Variants in R3HCC1L observed in about 807,000 individuals in gnomAD.
R3HCC1L encodes coiled-coil domain-containing protein R3HCC1L.
In R3HCC1L, 51 loss-of-function variants were observed where a neutral mutation model predicts 59.9. The ratio of observed to expected loss-of-function variants is 0.85; its 90% confidence interval spans 0.68 to 1.07. R3HCC1L has a LOEUF of 1.07. Ranked by LOEUF, R3HCC1L falls within the 50% of genes least tolerant of loss-of-function variation. The pLI is 0.00. For synonymous variants in R3HCC1L, 322 were observed against 315.2 expected (o/e 1.02, Z -0.23); for missense variants, 965 against 933.0 (o/e 1.03, Z -0.45).
intron 4 of R3HCC1L, among the ~76,000 whole-genome samples, chr10:98,187,773 G>C (rs1444623522): frequency 1.2e-5 from 1 of 86,568 alleles, no homozygotes; most frequent in Admixed American, 1.5e-4. Context: ...GTCTTGTTCT[G>C]TTCTCCAGGA....
chr10:98,142,809 C>A (rs1845285857), intron 1 of R3HCC1L, among the ~76,000 whole-genome samples: 1 of 151,934 alleles, frequency 6.6e-6, no homozygotes, highest in African/African-American at 2.4e-5. Flanking sequence ...GCGACATGTG[C>A]CTGTAGTCCC....
At chr10:98,192,691 T>C (rs1156924367) in intron 4 of R3HCC1L, among the ~76,000 whole-genome samples, 4 of 152,246 alleles carry the variant, frequency 2.6e-5, no homozygotes, top group Admixed American at 6.5e-5. Context: ...CATGGCTTCA[T>C]TGGGGAATTC....
intron 4 of R3HCC1L, among the ~76,000 whole-genome samples, chr10:98,180,961 T>G (rs1451479390): frequency 6.6e-6 from 1 of 152,162 alleles, no homozygotes; most frequent in Non-Finnish European, 1.5e-5. Flanking sequence ...GTGAGTTGGG[T>G]CTCCTGAATA....
At chr10:98,167,384 A>T (rs1490000679) in intron 4 of R3HCC1L, among the ~76,000 whole-genome samples, 1 of 152,176 alleles carries the variant, frequency 6.6e-6, no homozygotes, top group Non-Finnish European at 1.5e-5. Flanking sequence ...CACCAGGCAC[A>T]TTTCACACCT....
At position 98,208,979 on chromosome 10, in the gene R3HCC1L, G is replaced by A. The variant is rs747385013; in HGVS notation, c.865G>A (p.Val289Ile). The part of the protein sequence containing the change: ...QTCVDFEVES[V>I]GGIANSTGFI... The stretch of plus-strand genomic sequence containing the variant: ...TTGCGTAGATTTTGAAGTTGAGAGT[G>A]TAGGTGGTATAGCCAATAGTACAGG... Residue 289 changes from valine to isoleucine, a missense_variant, in exon 5 of 10, where the codon GTA becomes ATA. By Grantham distance (29) the Val-to-Ile change is conservative. Coordinates refer to ENST00000298999, the MANE Select transcript of R3HCC1L (RefSeq NM_001351015.2). 5.0e-6 allele frequency: 8 copies of A among 1,614,048 alleles called. No individual in the cohort carries two copies. The highest frequency in any genetic ancestry group is 4.4e-5 in the South Asian group (4 of 91,066).
intron 1 of R3HCC1L, among the ~76,000 whole-genome samples, chr10:98,149,309 C>G (rs951992126): frequency 2.0e-5 from 3 of 152,112 alleles, no homozygotes; most frequent in Admixed American, 2.0e-4. Flanking sequence ...TTTCAAAAAA[C>G]CAACTTTTTA....
At chr10:98,228,466 T>C (rs1427534246) in intron 5 of R3HCC1L, among the ~76,000 whole-genome samples, 2 of 152,174 alleles carry the variant, frequency 1.3e-5, no homozygotes, top group Non-Finnish European at 2.9e-5. Context: ...CAGTTCTTTG[T>C]GGATAAAGAT....
intron 4 of R3HCC1L, among the ~76,000 whole-genome samples, chr10:98,195,583 T>C (rs553826835): frequency 7.4e-6 from 1 of 135,954 alleles, no homozygotes; most frequent in South Asian, 2.4e-4. Flanking sequence ...CCTTTTGTAT[T>C]AAAATACACA....
chr10:98,170,254 C>CT (rs1848390652), intron 4 of R3HCC1L, among the ~76,000 whole-genome samples: 1 of 151,960 alleles, frequency 6.6e-6, no homozygotes, highest in African/African-American at 2.4e-5. Context: ...TACTACCACT[C>CT]TAATAGTCTT....
At chr10:98,173,286 T>C (rs2134392163) in intron 4 of R3HCC1L, among the ~76,000 whole-genome samples, 2 of 152,324 alleles carry the variant, frequency 1.3e-5, no homozygotes, top group East Asian at 3.9e-4. Context: ...AGCCTCTTAG[T>C]GTAGCTCTGT....
At position 98,203,511 on chromosome 10, in the gene R3HCC1L, A is replaced by G. The variant is rs547608299; in HGVS notation, c.-14-4590A>G. Reference sequence around the variant, plus strand: ...TTCTAGAAGAATGAATAGTATGCTCATTAGGCAGTTTCTCTCAAATATCAG... The same window carrying G: ...TTCTAGAAGAATGAATAGTATGCTCGTTAGGCAGTTTCTCTCAAATATCAG... On this transcript the variant is annotated intron_variant, in intron 4 of 9. Transcript: ENST00000298999. Among the ~76,000 whole-genome samples, 20 of 152,358 alleles carry G rather than the reference A, an allele frequency of 1.3e-4. 1 individual carries two copies. The South Asian group carries it at 4.1e-3, about 32-fold the overall frequency.
intron 2 of R3HCC1L, among the ~76,000 whole-genome samples, chr10:98,162,022 T>A (rs993816985): frequency 6.6e-6 from 1 of 152,174 alleles, no homozygotes; most frequent in Non-Finnish European, 1.5e-5. Flanking sequence ...AAGAATATCT[T>A]TCCATTTGTT....
At chr10:98,222,666 A>G (rs1855158453) in intron 5 of R3HCC1L, among the ~76,000 whole-genome samples, 1 of 152,186 alleles carries the variant, frequency 6.6e-6, no homozygotes, top group South Asian at 2.1e-4. Context: ...GTCTCTGTTT[A>G]TATGCTGGAT....
At chr10:98,224,604 TCA>T (rs1855460151) in intron 5 of R3HCC1L, among the ~76,000 whole-genome samples, 1 of 152,238 alleles carries the variant, frequency 6.6e-6, no homozygotes, top group African/African-American at 2.4e-5. Flanking sequence ...GAAGGAATAC[TCA>T]CATATCATTT....
chr10:98,163,353 A>T lies in R3HCC1L; in HGVS notation c.-59A>T. Reference sequence around the variant, plus strand: ...TTGCCTTCAGAGACAGTCTATCGGCATGTTGTAGAGTTTTATTACTAAGAA... The same window carrying T: ...TTGCCTTCAGAGACAGTCTATCGGCTTGTTGTAGAGTTTTATTACTAAGAA... On this transcript the variant is annotated 5_prime_UTR_variant, in exon 4 of 10. An upstream start codon of the reference 5' UTR is lost. Coordinates refer to ENST00000298999, the MANE Select transcript of R3HCC1L (RefSeq NM_001351015.2). 7.6e-7 allele frequency: 1 copy of T among 1,310,206 alleles called. No homozygotes were observed. Among genetic ancestry groups the T allele is most frequent in the Non-Finnish European group, 1.0e-6 (1 of 1,000,164 alleles). 81.2% of individuals were successfully genotyped at this position (1,310,206 alleles called of 1,614,324 possible). A position where few individuals can be genotyped will look rare whatever the true frequency, so the allele number is the denominator to read the frequency against.
At chr10:98,230,419 G>A (rs1032135329) in intron 5 of R3HCC1L, among the ~76,000 whole-genome samples, 1 of 152,054 alleles carries the variant, frequency 6.6e-6, no homozygotes, top group Non-Finnish European at 1.5e-5. Context: ...TGTGGGATCG[G>A]TGGTGATATC....
At chr10:98,195,254 A>G (rs568836356) in intron 4 of R3HCC1L, among the ~76,000 whole-genome samples, 1 of 152,326 alleles carries the variant, frequency 6.6e-6, no homozygotes, top group Admixed American at 6.5e-5. Context: ...AATATGAGGT[A>G]TCTAAAGGAA....
intron 4 of R3HCC1L, among the ~76,000 whole-genome samples, chr10:98,191,547 A>T (rs576283395): frequency 6.6e-6 from 1 of 152,016 alleles, no homozygotes; most frequent in Non-Finnish European, 1.5e-5. Flanking sequence ...TAGATTCTGG[A>T]TATTAGCCCT....
chr10:98,224,212 G>T (rs1172118259), intron 5 of R3HCC1L, among the ~76,000 whole-genome samples: 1 of 152,026 alleles, frequency 6.6e-6, no homozygotes, highest in East Asian at 1.9e-4. Flanking sequence ...TCCCCTCATG[G>T]TGTGTGTGGG....
Sources: allele counts gnomAD v4.1 joint callset (sites outside exome capture counted in the v4.1 genomes callset), GRCh38; gene constraint gnomAD v4.1.1; transcripts MANE v1.5; gene names NCBI Gene and HGNC (gene_info 2026-07-23, HGNC 2026-07-21).